Variants in PXDNL observed in about 807,000 individuals in gnomAD.
PXDNL encodes the protein probable oxidoreductase PXDNL.
In PXDNL, 145 loss-of-function variants were observed where a neutral mutation model predicts 150.8. The observed-to-expected ratio is 0.96, with a 90% CI of 0.84 to 1.10. PXDNL has a LOEUF of 1.10. Among genes scored for constraint, PXDNL ranks in the 50% least tolerant of loss-of-function variants. The pLI, the probability that PXDNL is intolerant of heterozygous loss-of-function variation, is 0.00. For synonymous variants in PXDNL, 757 were observed against 725.7 expected (o/e 1.04, Z -0.69); for missense variants, 2,087 against 1,873.9 (o/e 1.11, Z -2.10).
chr8:51,595,053 A>G (rs1563476824), intron 2 of PXDNL, among the ~76,000 whole-genome samples: 1 of 152,152 alleles, frequency 6.6e-6, no homozygotes, highest in Non-Finnish European at 1.5e-5. Flanking sequence ...GGCAAGCAAA[A>G]CTCTCAAGAA....
chr8:51,765,930 G>A (rs943833457), intron 1 of PXDNL, among the ~76,000 whole-genome samples: 10 of 151,076 alleles, frequency 6.6e-5, no homozygotes, highest in East Asian at 3.9e-4. Context: ...TGCAAGCTCC[G>A]CCTCCCGGGT....
rs1491071449 is a variant in PXDNL, at chr8:51,802,219, GCA to G, written c.164+6960_164+6961del. On this transcript the variant is annotated intron_variant, in intron 1 of 22. Coordinates refer to ENST00000356297, the MANE Select transcript of PXDNL (RefSeq NM_144651.5). ...ATGCATGCATAAAACAGTCAGAATT[GCA>G]CAGTTAATGTTTCTTGGTGTTTTTA... Among the ~76,000 whole-genome samples the G allele has an allele frequency of 3.3e-5, 5 of 150,956 alleles. No homozygotes were observed. The East Asian group carries it at 5.8e-4, about 18-fold the overall frequency.
rs559342115 is a variant in PXDNL at position 51,801,399 on chromosome 8, CCTTGTGATCTTTATTGCCCTTTAAAG to C, written c.164+7756_164+7781del. On this transcript the variant is annotated intron_variant, in intron 1 of 22. Coordinates refer to ENST00000356297, the MANE Select transcript of PXDNL (RefSeq NM_144651.5). ...TCAGTAATTCTAATTTTGCCCTTTG[CCTTGTGATCTTTATTGCCCTTTAAAG>C]CTTGTGATCTTTGTGACCAACTCCA... 8.2e-4 allele frequency among the ~76,000 whole-genome samples: 125 copies of C among 152,244 alleles called. 1 individual carries two copies. The South Asian group carries it at 0.022, about 27-fold the overall frequency.
intron 1 of PXDNL, among the ~76,000 whole-genome samples, chr8:51,714,390 C>CT (rs1816564200): frequency 6.6e-6 from 1 of 152,186 alleles, no homozygotes; most frequent in Non-Finnish European, 1.5e-5. Flanking sequence ...TCTATTACCA[C>CT]TATACTGTTG....
chr8:51,513,017 G>T (rs972299297), intron 4 of PXDNL, among the ~76,000 whole-genome samples: 6 of 152,226 alleles, frequency 3.9e-5, no homozygotes, highest in Non-Finnish European at 7.3e-5. Context: ...CCTGCATGCT[G>T]TGGAATGATC....
intron 9 of PXDNL, 66 bp downstream of exon 9, chr8:51,457,431 TA>T: frequency 7.6e-7 from 1 of 1,307,386 alleles, no homozygotes. Flanking sequence ...TTACATACTC[TA>T]AAGCAGCAAT....
intron 19 of PXDNL, among the ~76,000 whole-genome samples, chr8:51,362,836 C>CTATA (rs1806798370): frequency 6.6e-6 from 1 of 152,146 alleles, no homozygotes; most frequent in Admixed American, 6.5e-5. Context: ...CATATGTGTA[C>CTATA]TATATATGTT....
intron 1 of PXDNL, among the ~76,000 whole-genome samples, chr8:51,803,188 C>T (rs1157420520): frequency 6.6e-6 from 1 of 152,176 alleles, no homozygotes; most frequent in African/African-American, 2.4e-5. Context: ...TGCTGGGTTC[C>T]CTGCCTCCCA....
intron 21 of PXDNL, among the ~76,000 whole-genome samples, chr8:51,328,408 G>C (rs562963093): frequency 1.3e-5 from 2 of 152,182 alleles, no homozygotes; most frequent in Non-Finnish European, 2.9e-5. Context: ...ACAAATTGAA[G>C]AATGCACCCC....
intron 1 of PXDNL, among the ~76,000 whole-genome samples, chr8:51,745,795 C>T (rs942427632): frequency 6.4e-4 from 94 of 147,122 alleles, no homozygotes; most frequent in African/African-American, 2.3e-3. Context: ...CTCACTCTGT[C>T]GCTGGAGTGC....
intron 1 of PXDNL, among the ~76,000 whole-genome samples, chr8:51,732,045 C>A (rs1489513036): frequency 6.6e-6 from 1 of 152,198 alleles, no homozygotes; most frequent in Non-Finnish European, 1.5e-5. Flanking sequence ...TTGAATTTAT[C>A]CTCAGAAAAT....
intron 1 of PXDNL, among the ~76,000 whole-genome samples, chr8:51,711,285 A>C (rs541951807): frequency 1.3e-5 from 2 of 152,284 alleles, no homozygotes; most frequent in South Asian, 4.2e-4. Flanking sequence ...TTACAGGCAC[A>C]CACCACTATG....
intron 17 of PXDNL, among the ~76,000 whole-genome samples, chr8:51,391,023 A>G (rs201516869): frequency 6.6e-6 from 1 of 151,912 alleles, no homozygotes; most frequent in African/African-American, 2.4e-5. Flanking sequence ...GCGATAGTTT[A>G]CTGAGAATGA....
chr8:51,642,125 A>G (rs991042385), intron 2 of PXDNL, among the ~76,000 whole-genome samples: 1 of 151,098 alleles, frequency 6.6e-6, no homozygotes, highest in Admixed American at 6.6e-5. Context: ...CAAACACCGC[A>G]TATTCTCACT....
chr8:51,378,302 C>G (rs1466207142), intron 17 of PXDNL, among the ~76,000 whole-genome samples: 2 of 151,732 alleles, frequency 1.3e-5, no homozygotes, highest in Non-Finnish European at 2.9e-5. Context: ...GTGTCTAGCT[C>G]AAGGTTTGTA....
At chr8:51,732,608 C>G (rs1477958710) in intron 1 of PXDNL, among the ~76,000 whole-genome samples, 1 of 152,146 alleles carries the variant, frequency 6.6e-6, no homozygotes, top group Non-Finnish European at 1.5e-5. Flanking sequence ...TCTCACCCTG[C>G]TAATAAAGAC....
At chr8:51,733,812 A>AATATATATATATATATATATATAT (rs9298461) in intron 1 of PXDNL, among the ~76,000 whole-genome samples, 96 of 138,358 alleles carry the variant, frequency 6.9e-4, no homozygotes, top group African/African-American at 2.6e-3. Context: ...TGTCTCAAAT[A>AATATATATATATATATATATATAT]ATATATATAT....
chr8:51,357,772 G>A (rs1010878515), intron 19 of PXDNL, among the ~76,000 whole-genome samples: 2 of 152,148 alleles, frequency 1.3e-5, no homozygotes, highest in Admixed American at 1.3e-4. Flanking sequence ...TCCTAATGGA[G>A]GGCTTGTAGG....
intron 8 of PXDNL, among the ~76,000 whole-genome samples, chr8:51,460,537 G>T (rs1198578939): frequency 2.0e-5 from 3 of 148,538 alleles, no homozygotes; most frequent in Non-Finnish European, 3.0e-5. Flanking sequence ...GGAAAACACT[G>T]AGAGTTGCTA....
Sources: gnomAD v4.1 joint callset for allele counts (sites outside exome capture counted in the v4.1 genomes callset) on GRCh38, gnomAD v4.1.1 for gene constraint, MANE v1.5 for transcripts, NCBI Gene and HGNC (gene_info 2026-07-23, HGNC 2026-07-21) for gene names.